Variants in GCNT2 observed in about 807,000 individuals in gnomAD.
GCNT2 encodes N-acetyllactosaminide beta-1,6-N-acetylglucosaminyl-transferase.
In GCNT2, 34 loss-of-function variants were observed where a neutral mutation model predicts 34.2. That is an observed-to-expected ratio of 1.00 (90% CI 0.76 to 1.32). GCNT2 has a LOEUF of 1.32. GCNT2 is among the 40% of genes most tolerant of loss of function. The pLI is 0.00. For synonymous variants in GCNT2, 212 were observed against 188.0 expected (o/e 1.13, Z -1.04); for missense variants, 584 against 489.4 (o/e 1.19, Z -1.82).
At chr6:10,608,243 A>G (rs1765409345) in intron 3 of GCNT2, among the ~76,000 whole-genome samples, 1 of 151,846 alleles carries the variant, frequency 6.6e-6, no homozygotes, top group Non-Finnish European at 1.5e-5. Context: ...ACGCCTGGCT[A>G]ATTTTGTATT....
intron 1 of GCNT2, among the ~76,000 whole-genome samples, chr6:10,522,943 G>T (rs752822687): frequency 1.1e-4 from 16 of 152,194 alleles, no homozygotes; most frequent in Non-Finnish European, 1.5e-4. Flanking sequence ...AACGAATGAG[G>T]TTCTCCAGCT....
intron 3 of GCNT2, among the ~76,000 whole-genome samples, chr6:10,607,689 T>G (rs1765383835): frequency 9.0e-6 from 1 of 111,120 alleles, no homozygotes; most frequent in East Asian, 1.9e-4. Flanking sequence ...AAGCCCTAAC[T>G]TACAGACATT....
intron 3 of GCNT2, among the ~76,000 whole-genome samples, chr6:10,535,169 G>A (rs1008140833): frequency 6.6e-6 from 1 of 152,128 alleles, no homozygotes; most frequent in Non-Finnish European, 1.5e-5. Flanking sequence ...GGGTGACAGA[G>A]CGAGACTCCA....
intron 3 of GCNT2, among the ~76,000 whole-genome samples, chr6:10,609,787 C>T (rs1198120042): frequency 6.6e-6 from 1 of 151,732 alleles, no homozygotes; most frequent in African/African-American, 2.4e-5. Flanking sequence ...TCCAGGGGAA[C>T]AAATGTAGAA....
At chr6:10,542,702 G>A (rs905799062) in intron 3 of GCNT2, among the ~76,000 whole-genome samples, 11 of 152,048 alleles carry the variant, frequency 7.2e-5, no homozygotes, top group African/African-American at 2.7e-4. Flanking sequence ...TATAGGAATG[G>A]ATGCTGTTCC....
intron 3 of GCNT2, among the ~76,000 whole-genome samples, chr6:10,594,442 A>C (rs1487462193): frequency 6.6e-6 from 1 of 152,214 alleles, no homozygotes; most frequent in East Asian, 1.9e-4. Flanking sequence ...TTAAGGATAT[A>C]TTATGGGCTC....
chr6:10,550,311 T>A (rs1159169337), intron 3 of GCNT2, among the ~76,000 whole-genome samples: 2 of 151,990 alleles, frequency 1.3e-5, no homozygotes, highest in African/African-American at 4.8e-5. Flanking sequence ...GCTGGGATTA[T>A]AGGCATGAGC....
intron 3 of GCNT2, chr6:10,558,107 T>A (rs1454955993): frequency 1.3e-5 from 2 of 152,302 alleles, no homozygotes; most frequent in Non-Finnish European, 2.9e-5. Context: ...CACACCACTC[T>A]GTTTTTCTTT....
chr6:10,627,430 C>G lies in GCNT2; in HGVS notation c.*823C>G, dbSNP rs1372801535. On this transcript the variant is annotated 3_prime_UTR_variant, in exon 5 of 5. Coordinates refer to ENST00000495262, the MANE Select transcript of GCNT2 (RefSeq NM_145649.5). ...AACACTTTCCTCTTCTATGACCCCT[C>G]TCTCCCCAGTATTATCTTACTTGCA... 2.6e-5 allele frequency: 4 copies of G among 152,232 alleles called. No homozygotes were observed. The highest frequency in any genetic ancestry group is 5.9e-5 in the Non-Finnish European group (4 of 68,064). 9.4% of individuals were successfully genotyped at this position (152,232 alleles called of 1,614,324 possible).
intron 3 of GCNT2, among the ~76,000 whole-genome samples, chr6:10,575,509 C>G (rs1203360645): frequency 6.6e-6 from 1 of 152,070 alleles, no homozygotes; most frequent in Non-Finnish European, 1.5e-5. Flanking sequence ...TTACAGGTGC[C>G]TGCCACCACG....
intron 3 of GCNT2, among the ~76,000 whole-genome samples, chr6:10,570,382 C>T (rs534557886): frequency 6.6e-6 from 1 of 152,334 alleles, no homozygotes; most frequent in East Asian, 1.9e-4. Flanking sequence ...TGCCCTTCAG[C>T]TCTGTACTTT....
At chr6:10,539,993 G>A (rs770614422) in intron 3 of GCNT2, among the ~76,000 whole-genome samples, 3 of 152,098 alleles carry the variant, frequency 2.0e-5, no homozygotes, top group East Asian at 1.9e-4. Context: ...CAGGAGGATC[G>A]CTTGAGCACG....
In GCNT2 at chr6:10,606,932, T is replaced by G. The variant is rs1765347857; in HGVS notation, c.926-14419T>G. 2.6e-5 allele frequency among the ~76,000 whole-genome samples: 4 copies of G among 151,864 alleles called. No homozygotes were observed. In the South Asian group the frequency reaches 8.3e-4, roughly 32 times the overall value. ...AAGAAATACCTGAGACTAGGTAATT[T>G]ATTTATTATTTATTTTTATTATTTA... is the stretch of plus-strand genomic sequence containing the variant. On this transcript the variant is annotated intron_variant, in intron 3 of 4. Coordinates refer to ENST00000495262, the MANE Select transcript of GCNT2 (RefSeq NM_145649.5).
At chr6:10,594,272 C>T (rs1438521838) in intron 3 of GCNT2, among the ~76,000 whole-genome samples, 1 of 152,172 alleles carries the variant, frequency 6.6e-6, no homozygotes, top group African/African-American at 2.4e-5. Context: ...CAGAGACTGG[C>T]ACATGTATAG....
At chr6:10,523,318 C>T (rs1277453098) in intron 1 of GCNT2, among the ~76,000 whole-genome samples, 6 of 150,992 alleles carry the variant, frequency 4.0e-5, no homozygotes, top group African/African-American at 9.7e-5. Flanking sequence ...CCCAGCTGCT[C>T]GGGAGGCTGA....
rs143076931 is a variant in GCNT2, at chr6:10,591,601, G to A, written c.926-29750G>A. On this transcript the variant is annotated intron_variant, in intron 3 of 4. Transcript: ENST00000495262. ...GTCACAGCAGGCGGCGTATGCAGAC[G>A]CCTCCACTTAGTTTCTGCCTTCCTT... Among the ~76,000 whole-genome samples, 284 of 152,260 alleles carry A rather than the reference G, an allele frequency of 1.9e-3. 1 individual carries two copies. The highest frequency in any genetic ancestry group is 6.0e-3 in the African/African-American group (250 of 41,562).
At position 10,529,382 on chromosome 6, in the gene GCNT2, G is replaced by T; in HGVS notation, c.471G>T (p.Glu157Asp). Residue 157 changes from glutamate (E) to aspartate (D), a missense_variant, in exon 3 of 5, where the codon GAG (glutamate) becomes GAT (aspartate). Glu to Asp is a conservative substitution (Grantham distance 45). Coordinates refer to ENST00000495262, the MANE Select transcript of GCNT2 (RefSeq NM_145649.5). ...ATGCTTTTCTGGCTTCCAAGAAGGA[G>T]TCGGTTGTCTATGGGGGGATCTCCA... The part of the protein sequence containing the change: ...FPNAFLASKK[E>D]SVVYGGISRL... 6.2e-7 allele frequency: 1 copy of T among 1,614,114 alleles called. No homozygotes were observed. The highest frequency in any genetic ancestry group is 8.5e-7 in the Non-Finnish European group (1 of 1,180,018).
At chr6:10,621,239 G>A (rs1451401963) in intron 3 of GCNT2, 112 bp from the exon 4 acceptor site, 21 of 742,090 alleles carry the variant, frequency 2.8e-5, no homozygotes, top group Middle Eastern at 2.3e-4. Context: ...TGTGAAATGC[G>A]AAAGGTAATA....
chr6:10,591,041 G>A (rs1004524070), intron 3 of GCNT2, among the ~76,000 whole-genome samples: 5 of 152,178 alleles, frequency 3.3e-5, no homozygotes, highest in Admixed American at 6.5e-5. Context: ...CTCCCAGATC[G>A]TGTTTCAACT....
Sources: allele counts gnomAD v4.1 joint callset (sites outside exome capture counted in the v4.1 genomes callset), GRCh38; gene constraint gnomAD v4.1.1; transcripts MANE v1.5; gene names NCBI Gene and HGNC (gene_info 2026-07-23, HGNC 2026-07-21).